Variants in LHFPL4 observed in about 807,000 individuals in gnomAD.
LHFPL4 encodes LHFPL tetraspan subfamily member 4 protein.
In LHFPL4, 6 loss-of-function variants were observed where a neutral mutation model predicts 20.0. That is an observed-to-expected ratio of 0.30 (90% CI 0.16 to 0.59). The LOEUF is 0.59. LHFPL4 is among the 20% of genes least tolerant of loss of function. LHFPL4 has a pLI of 0.88. For missense variants in LHFPL4, 215 were observed against 331.2 expected (o/e 0.65, Z 2.72); for synonymous variants, 129 against 143.8 (o/e 0.90, Z 0.74).
chr3:9,525,443 C>T (rs1359752570), intron 2 of LHFPL4, among the ~76,000 whole-genome samples: 2 of 152,180 alleles, frequency 1.3e-5, no homozygotes, highest in African/African-American at 4.8e-5. Flanking sequence ...TCTGTCGCTC[C>T]AATTTTGGGG....
intron 2 of LHFPL4, among the ~76,000 whole-genome samples, chr3:9,543,790 G>A (rs1371460223): frequency 7.0e-6 from 1 of 142,568 alleles, no homozygotes; most frequent in Non-Finnish European, 1.5e-5. Context: ...GAGTGCAGTG[G>A]CACAATCACG....
intron 2 of LHFPL4, among the ~76,000 whole-genome samples, chr3:9,523,840 C>G (rs971349865): frequency 1.3e-5 from 2 of 152,052 alleles, no homozygotes; most frequent in African/African-American, 2.4e-5. Flanking sequence ...ATTTTTTTCT[C>G]TAAAGAACTT....
intron 2 of LHFPL4, among the ~76,000 whole-genome samples, chr3:9,529,341 T>C (rs1310190858): frequency 6.6e-6 from 1 of 152,170 alleles, no homozygotes; most frequent in African/African-American, 2.4e-5. Context: ...ATCACCAATG[T>C]TCTTAATGGC....
intron 2 of LHFPL4, among the ~76,000 whole-genome samples, chr3:9,511,562 CTT>C (rs2125656902): frequency 6.6e-6 from 1 of 151,842 alleles, no homozygotes; most frequent in East Asian, 1.9e-4. Flanking sequence ...GAAAAGTAAA[CTT>C]AAATTACTTT....
At position 9,545,510 on chromosome 3, in the gene LHFPL4, T is replaced by C. The variant is rs1227528673; in HGVS notation, c.406+6764A>G. The stretch of plus-strand genomic sequence containing the variant: ...GGGAAACATAGTGAGACCCTGTCTC[T>C]ACAAAAAATAGAATAAAGGCCAAGG... On this transcript the variant is annotated intron_variant, in intron 2 of 3. Coordinates refer to ENST00000287585, the MANE Select transcript of LHFPL4 (RefSeq NM_198560.3). Among the ~76,000 whole-genome samples the C allele has an allele frequency of 2.6e-5, 4 of 152,020 alleles. No individual in the cohort carries two copies. In the South Asian group the frequency reaches 6.2e-4, roughly 24 times the overall value.
intron 2 of LHFPL4, among the ~76,000 whole-genome samples, chr3:9,541,627 C>T (rs1406202323): frequency 6.6e-6 from 1 of 152,034 alleles, no homozygotes; most frequent in East Asian, 2.0e-4. Context: ...CAGAAATTAG[C>T]CAAGTGTGGT....
At chr3:9,507,283 A>G (rs1388842954) in intron 2 of LHFPL4, among the ~76,000 whole-genome samples, 2 of 152,208 alleles carry the variant, frequency 1.3e-5, no homozygotes, top group Non-Finnish European at 2.9e-5. Flanking sequence ...GGAGCTTGCA[A>G]TGTAGTGTGG....
intron 2 of LHFPL4, among the ~76,000 whole-genome samples, chr3:9,520,892 T>G (rs944068470): frequency 7.9e-5 from 12 of 152,136 alleles, no homozygotes; most frequent in Middle Eastern, 3.2e-3. Flanking sequence ...TGCTGTCACA[T>G]GAAGTAGTTT....
At chr3:9,507,641 C>T (rs1282114951) in intron 2 of LHFPL4, among the ~76,000 whole-genome samples, 2 of 152,212 alleles carry the variant, frequency 1.3e-5, no homozygotes, top group Non-Finnish European at 2.9e-5. Context: ...TCAGAAGGGC[C>T]TTGGCAATGG....
chr3:9,529,765 T>C (rs1349460187), intron 2 of LHFPL4, among the ~76,000 whole-genome samples: 1 of 152,012 alleles, frequency 6.6e-6, no homozygotes, highest in Admixed American at 6.6e-5. Flanking sequence ...TCCTGACAGC[T>C]GGGATTACAG....
At chr3:9,541,560 T>C (rs1170886787) in intron 2 of LHFPL4, among the ~76,000 whole-genome samples, 4 of 151,754 alleles carry the variant, frequency 2.6e-5, no homozygotes, top group African/African-American at 4.8e-5. Flanking sequence ...TCACATGAGG[T>C]CAGGAGTTTG....
At chr3:9,521,602 G>A (rs1262943993) in intron 2 of LHFPL4, among the ~76,000 whole-genome samples, 1 of 151,000 alleles carries the variant, frequency 6.6e-6, no homozygotes, top group African/African-American at 2.5e-5. Context: ...ACAGGGTTTC[G>A]CCATGTTAGC....
At chr3:9,527,056 G>T (rs895483939) in intron 2 of LHFPL4, among the ~76,000 whole-genome samples, 4 of 152,120 alleles carry the variant, frequency 2.6e-5, no homozygotes, top group Non-Finnish European at 5.9e-5. Flanking sequence ...AAAGGAAAGG[G>T]AAGGGAGAAA....
Position 9,500,032 on chromosome 3 carries a change from C to G in LHFPL4, c.*2179G>C, listed in dbSNP as rs1385991242. Reference sequence around the variant, plus strand: ...CTCTCATCTCTCTCCACCTCTGCCCCGTCTCTCTCGATCTCTCCTCCTCGC... The same window carrying G: ...CTCTCATCTCTCTCCACCTCTGCCCGGTCTCTCTCGATCTCTCCTCCTCGC... On this transcript the variant is annotated 3_prime_UTR_variant, in exon 4 of 4. Transcript: ENST00000287585. The G allele has an allele frequency of 6.6e-6, 1 of 152,310 alleles. No homozygotes were observed. Among genetic ancestry groups the G allele is most frequent in the Non-Finnish European group, 1.5e-5 (1 of 68,498 alleles). The allele number at this position is 152,310 out of a possible 1,614,324, so 9.4% of individuals were successfully genotyped here.
Position 9,552,317 on chromosome 3 carries a change from C to A in LHFPL4, c.363G>T (p.Thr121=), listed in dbSNP as rs144594036. ...AGGCGCAGATCTTGTAGACCGTAGCCGTGTTGCAGAAGAAGAAAAGCGAAA... is the reference window on the plus strand; with the variant it reads ...AGGCGCAGATCTTGTAGACCGTAGCAGTGTTGCAGAAGAAGAAAAGCGAAA... ...TCFSLFFFCN[T]ATVYKICAWM... Residue 121 remains threonine, a synonymous_variant, in exon 2 of 4, where the codon ACG becomes ACT. Transcript: ENST00000287585. The A allele has an allele frequency of 1.9e-5, 31 of 1,613,348 alleles. No homozygotes were observed. The African/African-American group carries it at 4.0e-4, about 21-fold the overall frequency.
intron 2 of LHFPL4, among the ~76,000 whole-genome samples, chr3:9,543,639 A>T (rs1401924646): frequency 6.6e-6 from 1 of 151,994 alleles, no homozygotes; most frequent in Non-Finnish European, 1.5e-5. Context: ...GCTGCTCCCA[A>T]AGTACTCTGA....
intron 2 of LHFPL4, among the ~76,000 whole-genome samples, chr3:9,523,790 T>A (rs2046355989): frequency 6.6e-6 from 1 of 152,182 alleles, no homozygotes; most frequent in African/African-American, 2.4e-5. Flanking sequence ...ATTCTTCCCT[T>A]ACTTGTATAC....
At chr3:9,513,308 A>G (rs1328484035) in intron 2 of LHFPL4, among the ~76,000 whole-genome samples, 1 of 151,382 alleles carries the variant, frequency 6.6e-6, no homozygotes, top group East Asian at 2.0e-4. Flanking sequence ...CATTTATTTT[A>G]TTTTATTTTG....
chr3:9,552,004 A>G (rs1402805890), intron 2 of LHFPL4, among the ~76,000 whole-genome samples: 1 of 152,122 alleles, frequency 6.6e-6, no homozygotes, highest in Admixed American at 6.6e-5. Context: ...AGAGACACTA[A>G]CTTAATGCTA....
Sources: allele counts gnomAD v4.1 joint callset (sites outside exome capture counted in the v4.1 genomes callset), GRCh38; gene constraint gnomAD v4.1.1; transcripts MANE v1.5; gene names NCBI Gene and HGNC (gene_info 2026-07-23, HGNC 2026-07-21).